Variants in DIAPH3 observed in about 807,000 individuals in gnomAD.
DIAPH3 encodes the protein diaphanous related formin 3, also known as protein diaphanous homolog 3.
DIAPH3 carries 117 observed loss-of-function variants against 144.3 expected under a neutral mutation model. The ratio of observed to expected loss-of-function variants is 0.81; its 90% CI spans 0.70 to 0.95. The LOEUF is 0.95. Among genes scored for constraint, DIAPH3 ranks in the 40% least tolerant of loss-of-function variants. The pLI is 0.00. For missense variants in DIAPH3, 1,421 were observed against 1,412.7 expected (o/e 1.01, Z -0.09); for synonymous variants, 519 against 488.9 (o/e 1.06, Z -0.81).
Position 59,852,558 on chromosome 13 carries a change from G to A in DIAPH3, c.2737+8849C>T, listed in dbSNP as rs181944464. Among the ~76,000 whole-genome samples the A allele has an allele frequency of 3.2e-3, 489 of 152,314 alleles. 3 individuals carry two copies. Among genetic ancestry groups the A allele is most frequent in the African/African-American group, 0.011 (466 of 41,558 alleles). ...AAATAACGTGTTGCAGGCTGAAGCA[G>A]AGGCAGAAAAATAGAACTCATTTTC... On this transcript the variant is annotated intron_variant, in intron 22 of 27. Coordinates refer to ENST00000400324, the MANE Select transcript of DIAPH3 (RefSeq NM_001042517.2).
chr13:59,788,947 T>C (rs976948568), intron 25 of DIAPH3, among the ~76,000 whole-genome samples: 4 of 152,226 alleles, frequency 2.6e-5, no homozygotes, highest in Admixed American at 2.0e-4. Flanking sequence ...CATGTAAGTA[T>C]TCAAGTAACC....
chr13:60,044,867 G>A (rs2055953912), intron 4 of DIAPH3, among the ~76,000 whole-genome samples: 1 of 152,126 alleles, frequency 6.6e-6, no homozygotes, highest in South Asian at 2.1e-4. Flanking sequence ...CCTCATGATA[G>A]TCAGTGAGTT....
rs533564265 is a variant in DIAPH3 at position 59,701,225 on chromosome 13, C to T, written c.3320-34379G>A. Among the ~76,000 whole-genome samples, 25 of 152,262 alleles carry T rather than the reference C, an allele frequency of 1.6e-4. No homozygotes were observed. In the South Asian group the frequency reaches 4.4e-3, roughly 27 times the overall value. On this transcript the variant is annotated intron_variant, in intron 27 of 27. Coordinates refer to ENST00000400324, the MANE Select transcript of DIAPH3 (RefSeq NM_001042517.2). ...ATCAAACTCATAGATACTGAATGTT[C>T]GCAATATGATATAACAAAGATCTTG...
intron 21 of DIAPH3, among the ~76,000 whole-genome samples, chr13:59,871,229 A>G (rs1341640580): frequency 6.6e-6 from 1 of 150,944 alleles, no homozygotes; most frequent in Admixed American, 6.6e-5. Flanking sequence ...TACACAGACA[A>G]TCATTTCATC....
At chr13:59,898,442 A>C (rs2140162352) in intron 20 of DIAPH3, among the ~76,000 whole-genome samples, 1 of 152,332 alleles carries the variant, frequency 6.6e-6, no homozygotes, top group South Asian at 2.1e-4. Context: ...GGTTTCTGGA[A>C]TACTAAGACA....
At chr13:59,846,628 G>T (rs1333130110) in intron 22 of DIAPH3, among the ~76,000 whole-genome samples, 1 of 151,916 alleles carries the variant, frequency 6.6e-6, no homozygotes, top group Non-Finnish European at 1.5e-5. Context: ...AAAAAATCTT[G>T]ACTATTAAGT....
intron 1 of DIAPH3, among the ~76,000 whole-genome samples, 188 bp from the exon 2 acceptor site, chr13:60,133,177 G>T (rs1203797331): frequency 6.6e-6 from 1 of 151,904 alleles, no homozygotes; most frequent in African/African-American, 2.4e-5. Context: ...GTTACCCTGC[G>T]TGTGATAGTT....
chr13:60,097,604 G>A (rs1321459230), intron 3 of DIAPH3, among the ~76,000 whole-genome samples: 1 of 152,064 alleles, frequency 6.6e-6, no homozygotes, highest in Non-Finnish European at 1.5e-5. Context: ...TTCCTTTATG[G>A]CAACATAAAA....
intron 7 of DIAPH3, among the ~76,000 whole-genome samples, chr13:60,014,876 G>C (rs2053527301): frequency 6.6e-6 from 1 of 152,120 alleles, no homozygotes; most frequent in Non-Finnish European, 1.5e-5. Context: ...AATTTCTACA[G>C]TTAACAGTAT....
In DIAPH3 at chr13:59,991,286, A is replaced by G. The variant is rs1293058485; in HGVS notation, c.1245-12T>C. ...CATCATATGCTTCAGTGAGTTGATT[A>G]AGGAATATATGGATTTATTTATACT... On this transcript the variant is annotated splice_polypyrimidine_tract_variant and intron_variant, in intron 11 of 27. Transcript: ENST00000400324. 2.0e-6 allele frequency: 3 copies of G among 1,513,092 alleles called. No individual in the cohort carries two copies. The highest frequency in any genetic ancestry group is 2.8e-6 in the Non-Finnish European group (3 of 1,089,454). The allele number at this position is 1,513,092 out of a possible 1,614,324, so 93.7% of individuals were successfully genotyped here.
At chr13:60,106,269 A>C (rs998446613) in intron 3 of DIAPH3, among the ~76,000 whole-genome samples, 1 of 152,172 alleles carries the variant, frequency 6.6e-6, no homozygotes, top group Admixed American at 6.5e-5. Context: ...AAACCTCAGA[A>C]ACAAACCCAC....
At chr13:60,039,345 C>T (rs892134847) in intron 5 of DIAPH3, among the ~76,000 whole-genome samples, 26 of 150,972 alleles carry the variant, frequency 1.7e-4, no homozygotes, top group Non-Finnish European at 2.7e-4. Flanking sequence ...ACTCTATTGT[C>T]CAGGCTGGAG....
intron 27 of DIAPH3, among the ~76,000 whole-genome samples, chr13:59,741,821 A>C (rs1352494045): frequency 6.6e-6 from 1 of 152,120 alleles, no homozygotes; most frequent in Non-Finnish European, 1.5e-5. Context: ...ATTCAAAATG[A>C]CATAGGGGGT....
At chr13:60,111,798 T>C (rs1325775082) in intron 3 of DIAPH3, among the ~76,000 whole-genome samples, 1 of 152,236 alleles carries the variant, frequency 6.6e-6, no homozygotes, top group Non-Finnish European at 1.5e-5. Context: ...TGTTTTCACA[T>C]ACTCTTTACA....
chr13:59,994,701 T>C (rs769192361), intron 9 of DIAPH3, among the ~76,000 whole-genome samples: 1 of 151,852 alleles, frequency 6.6e-6, no homozygotes, highest in Non-Finnish European at 1.5e-5. Flanking sequence ...AGCCGAGGAA[T>C]TAACATGTTC....
At chr13:60,136,939 CAAA>C (rs67539072) in intron 1 of DIAPH3, among the ~76,000 whole-genome samples, 128,662 of 148,708 alleles carry the variant, frequency 0.87, 55,476 homozygotes, top group African/African-American at 0.9. Context: ...GACTCCGTCT[CAAA>C]AAAAAAAAAA....
At chr13:60,080,781 C>A (rs1209899275) in intron 4 of DIAPH3, among the ~76,000 whole-genome samples, 1 of 151,942 alleles carries the variant, frequency 6.6e-6, no homozygotes, top group Non-Finnish European at 1.5e-5. Context: ...TCAGTGTCAA[C>A]TCTATATACT....
intron 21 of DIAPH3, among the ~76,000 whole-genome samples, chr13:59,863,280 G>A (rs185886268): frequency 1.4e-5 from 2 of 146,998 alleles, no homozygotes; most frequent in African/African-American, 2.7e-5. Context: ...ACAAATAAAG[G>A]GTTAAAAAAA....
At position 59,861,556 on chromosome 13, in the gene DIAPH3, GA is replaced by G. The variant is rs2043591358; in HGVS notation, c.2608-21del. The G allele has an allele frequency of 6.2e-7, 1 of 1,610,104 alleles. No individual in the cohort carries two copies. The highest frequency in any genetic ancestry group is 8.5e-7 in the Non-Finnish European group (1 of 1,176,926). The stretch of plus-strand genomic sequence containing the variant: ...CTTTAGCTAAATAGAACAGGAGGGA[GA>G]AAAAACACAGAGTCATAAGTATGTT... On this transcript the variant is annotated intron_variant, in intron 21 of 27. Coordinates refer to ENST00000400324, the MANE Select transcript of DIAPH3 (RefSeq NM_001042517.2).
Sources: gnomAD v4.1 joint callset for allele counts (sites outside exome capture counted in the v4.1 genomes callset) on GRCh38, gnomAD v4.1.1 for gene constraint, MANE v1.5 for transcripts, NCBI Gene and HGNC (gene_info 2026-07-23, HGNC 2026-07-21) for gene names.